Variants in C6orf136 observed in about 807,000 individuals in gnomAD.
C6orf136 encodes the protein chromosome 6 open reading frame 136.
In C6orf136, 29 loss-of-function variants were observed where a neutral mutation model predicts 44.0. That is an observed-to-expected ratio of 0.66 (90% CI 0.49 to 0.90). The LOEUF (loss-of-function observed/expected upper bound fraction) is 0.90. Ranked by LOEUF, C6orf136 falls within the 40% of genes least tolerant of loss-of-function variation. The pLI is 0.00. For synonymous variants in C6orf136, 293 were observed against 278.6 expected, an observed-to-expected ratio of 1.05 and a Z score of -0.52; for missense variants, 628 against 669.3, an observed-to-expected ratio of 0.94 and a Z score of 0.68.
intron 4 of C6orf136, 26 bp downstream of exon 4, chr6:30,651,492 A>C: frequency 6.3e-7 from 1 of 1,590,560 alleles, no homozygotes; most frequent in Non-Finnish European, 8.5e-7. Flanking sequence ...GAAAGGACCC[A>C]AACTATAATC....
Position 30,652,724 on chromosome 6 carries a change from C to A in C6orf136, c.1377+7C>A, listed in dbSNP as rs376239384. 1 of 1,612,892 alleles carries A rather than the reference C, an allele frequency of 6.2e-7. No individual in the cohort carries two copies. Among genetic ancestry groups the A allele is most frequent in the Non-Finnish European group, 8.5e-7 (1 of 1,180,018 alleles). On this transcript the variant is annotated splice_region_variant and intron_variant, in intron 5 of 5. Coordinates refer to ENST00000651131, the MANE Select transcript of C6orf136 (RefSeq NM_001161376.2). The stretch of plus-strand genomic sequence containing the variant: ...TCGCCATCGTCTAGATAAAGTGAGT[C>A]CTAGGTAGGGCTGGGTGGGGTAAAG...
chr6:30,647,586 C>G lies in C6orf136; in HGVS notation c.355C>G (p.Pro119Ala). Residue 119 changes from proline to alanine, a missense_variant, in exon 1 of 6, where the codon CCG (proline) becomes GCG (alanine). Around this residue, in one of 2 missense-constraint regions of C6orf136, gnomAD observed 497 missense variants for 469.2 expected, o/e 1.06. Coordinates refer to ENST00000651131, the MANE Select transcript of C6orf136 (RefSeq NM_001161376.2). The surrounding 1 kb of genome is among the most constrained non-coding windows in gnomAD (Gnocchi z 4.8). ...GCGCGTCTGCGTTGCGCCCGACTCT[C>G]CGCGGTTACCTGTGCCTAGAGGTGA... ...AGRVCVAPDS[P>A]RLPVPRGDLK... 1 of 1,542,232 alleles carries G rather than the reference C, an allele frequency of 6.5e-7. No homozygotes were observed. Among genetic ancestry groups the G allele is most frequent in the Non-Finnish European group, 8.8e-7 (1 of 1,140,856 alleles).
Position 30,647,923 on chromosome 6 carries a change from G to A in C6orf136, c.615+77G>A. On this transcript the variant is annotated intron_variant, in intron 1 of 5. Coordinates refer to ENST00000651131, the MANE Select transcript of C6orf136 (RefSeq NM_001161376.2). The surrounding 1 kb of genome is among the most constrained non-coding windows in gnomAD (Gnocchi z 4.8). ...GTTCCTTGGGAGCGGAGGGACTCGGGTGAGGCCTAACTTTGGGTGACCTCC... is the reference window on the plus strand; with the variant it reads ...GTTCCTTGGGAGCGGAGGGACTCGGATGAGGCCTAACTTTGGGTGACCTCC... 1 of 1,422,146 alleles carries A rather than the reference G, an allele frequency of 7.0e-7. No individual in the cohort carries two copies. Among genetic ancestry groups the A allele is most frequent in the Non-Finnish European group, 9.2e-7 (1 of 1,092,558 alleles). The allele number at this position is 1,422,146 out of a possible 1,614,324, so 88.1% of individuals were successfully genotyped here. A position where few individuals can be genotyped will look rare whatever the true frequency, so the allele number is the denominator to read the frequency against.
chr6:30,647,323 G>A lies in C6orf136; in HGVS notation c.92G>A (p.Gly31Glu), dbSNP rs916120554. The change falls in exon 1 of 6, where the codon GGA (glycine) becomes GAA (glutamate). Residue 31 changes from glycine to glutamate, a missense_variant. Transcript: ENST00000651131. This position sits in a 1 kb window ranked among gnomAD's most constrained non-coding sequence, Gnocchi z 4.8. ...ARPQVSGGEE[G>E]GRRGGGERPS... ...CCCCAGGTGAGCGGAGGAGAAGAGG[G>A]AGGGAGGAGAGGGGGCGGGGAGAGA... 2.5e-6 allele frequency: 4 copies of A among 1,584,212 alleles called. No individual in the cohort carries two copies. The highest frequency in any genetic ancestry group is 1.8e-5 in the Admixed American group (1 of 55,110).
rs1162674381 is a variant in C6orf136, at chr6:30,652,865, C to T, written c.1441C>T (p.Leu481=). The T allele has an allele frequency of 4.3e-6, 7 of 1,612,978 alleles. No homozygotes were observed. The highest frequency in any genetic ancestry group is 2.2e-5 in the East Asian group (1 of 44,900). ...KKLLVGALVA[L]GLSEPEPDLN... ...GCTGCTAGTGGGAGCCCTGGTGGCCCTGGGGCTGTCAGAGCCAGAACCTGA... is the reference window on the plus strand; with the variant it reads ...GCTGCTAGTGGGAGCCCTGGTGGCCTTGGGGCTGTCAGAGCCAGAACCTGA... The change falls in exon 6 of 6, where the codon CTG becomes TTG. Residue 481 remains leucine, a synonymous_variant. Coordinates refer to ENST00000651131, the MANE Select transcript of C6orf136 (RefSeq NM_001161376.2).
In C6orf136 at chr6:30,647,514, C is replaced by A; in HGVS notation, c.283C>A (p.Leu95Ile). 1 of 1,508,650 alleles carries A rather than the reference C, an allele frequency of 6.6e-7. No homozygotes were observed. The highest frequency in any genetic ancestry group is 8.9e-7 in the Non-Finnish European group (1 of 1,122,518). The allele number at this position is 1,508,650 out of a possible 1,614,324, so 93.5% of individuals were successfully genotyped here. The change falls in exon 1 of 6, where the codon CTC becomes ATC. Residue 95 changes from leucine (L) to isoleucine (I), a missense_variant. Leu to Ile is a conservative substitution (Grantham distance 5, BLOSUM62 2). Coordinates refer to ENST00000651131, the MANE Select transcript of C6orf136 (RefSeq NM_001161376.2). The surrounding 1 kb of genome is among the most constrained non-coding windows in gnomAD (Gnocchi z 4.8). ...GGCCTGTCGCGCAAGGACGTCGGTC[C>A]TCCCAGGTTTGAGGGCGGTCAGGCG... ...CRACRARTSVLPGLRAVRRGQ... is the reference protein window; with the variant it reads ...CRACRARTSVIPGLRAVRRGQ...
intron 2 of C6orf136, 113 bp from the exon 3 acceptor site, chr6:30,650,881 C>T: frequency 1.3e-6 from 1 of 745,680 alleles, no homozygotes; most frequent in Non-Finnish European, 2.2e-6. Context: ...CTCTGTACTC[C>T]AGCCTGGGCG....
Position 30,647,421 on chromosome 6 carries a change from CT to C in C6orf136, c.192del (p.Thr66ProfsTer10), listed in dbSNP as rs1561946699. ...SAQAQRHPPP[L>X]PTCALQRVDR... ...GCAGGCGCAGAGACACCCGCCGCCC[CT>C]TCCCACCTGTGCCCTGCAGCGCGTG... On this transcript the variant is annotated frameshift_variant, in exon 1 of 6. Transcript: ENST00000651131. LOFTEE classifies it high-confidence loss of function. The surrounding 1 kb of genome is among the most constrained non-coding windows in gnomAD (Gnocchi z 4.8). 2.0e-6 allele frequency: 3 copies of C among 1,469,256 alleles called. No individual in the cohort carries two copies. Among genetic ancestry groups the C allele is most frequent in the Non-Finnish European group, 2.7e-6 (3 of 1,108,048 alleles). 91.0% of individuals were successfully genotyped at this position (1,469,256 alleles called of 1,614,324 possible).
In C6orf136 at chr6:30,647,604, A is replaced by G. The variant is rs1338530385; in HGVS notation, c.373A>G (p.Arg125Gly). ...APDSPRLPVP[R>G]GDLKGRGREI... The stretch of plus-strand genomic sequence containing the variant: ...CGACTCTCCGCGGTTACCTGTGCCT[A>G]GAGGTGATTTGAAGGGCAGGGGCCG... Residue 125 changes from arginine to glycine, a missense_variant, in exon 1 of 6, where the codon AGA becomes GGA. By Grantham distance (125) the Arg-to-Gly change is moderately radical. Around this residue, in one of 2 missense-constraint regions of C6orf136, gnomAD observed 497 missense variants for 469.2 expected, o/e 1.06. Coordinates refer to ENST00000651131, the MANE Select transcript of C6orf136 (RefSeq NM_001161376.2). The surrounding 1 kb of genome is among the most constrained non-coding windows in gnomAD (Gnocchi z 4.8). The G allele has an allele frequency of 3.9e-6, 6 of 1,548,982 alleles. No homozygotes were observed. Among genetic ancestry groups the G allele is most frequent in the African/African-American group, 1.4e-5 (1 of 72,894 alleles).
Position 30,647,476 on chromosome 6 carries a change from G to C in C6orf136, c.245G>C (p.Gly82Ala). 1 of 1,486,552 alleles carries C rather than the reference G, an allele frequency of 6.7e-7. No individual in the cohort carries two copies. The highest frequency in any genetic ancestry group is 1.3e-5 in the South Asian group (1 of 74,622). The allele number at this position is 1,486,552 out of a possible 1,614,324, so 92.1% of individuals were successfully genotyped here. Residue 82 changes from glycine (G) to alanine (A), a missense_variant, in exon 1 of 6, where the codon GGG becomes GCG. Gly to Ala is a moderately conservative substitution (Grantham distance 60). Coordinates refer to ENST00000651131, the MANE Select transcript of C6orf136 (RefSeq NM_001161376.2). The surrounding 1 kb of genome is among the most constrained non-coding windows in gnomAD (Gnocchi z 4.8). The part of the protein sequence containing the change: ...VDRLGVAGAG[G>A]RRCRACRART... Reference sequence around the variant, plus strand: ...AGGCTAGGGGTCGCGGGAGCGGGAGGGAGGCGCTGCCGGGCCTGTCGCGCA... The same window carrying C: ...AGGCTAGGGGTCGCGGGAGCGGGAGCGAGGCGCTGCCGGGCCTGTCGCGCA...
intron 4 of C6orf136, among the ~76,000 whole-genome samples, chr6:30,651,844 C>T (rs553553453): frequency 6.6e-6 from 1 of 151,884 alleles, no homozygotes; most frequent in East Asian, 1.9e-4. Flanking sequence ...GGACAGGGAT[C>T]CTGTTTAGTT....
At chr6:30,650,131 G>C (rs536682144) in intron 2 of C6orf136, among the ~76,000 whole-genome samples, 172 bp downstream of exon 2, 313 of 152,106 alleles carry the variant, frequency 2.1e-3, no homozygotes, top group African/African-American at 7.0e-3. Flanking sequence ...GTGGCTCAAA[G>C]TGCTGTAATC....
intron 1 of C6orf136, among the ~76,000 whole-genome samples, chr6:30,648,837 T>G (rs1436869776): frequency 6.7e-6 from 1 of 150,304 alleles, no homozygotes; most frequent in Non-Finnish European, 1.5e-5. Flanking sequence ...TGAAACCCCA[T>G]CTGTAACTAA....
intron 1 of C6orf136, among the ~76,000 whole-genome samples, chr6:30,648,575 A>G (rs1767096337): frequency 6.6e-6 from 1 of 151,424 alleles, no homozygotes; most frequent in Non-Finnish European, 1.5e-5. Context: ...ATTGTTTTGT[A>G]TCTTTAGTAG....
Position 30,648,652 on chromosome 6 carries a change from G to A in C6orf136, c.615+806G>A, listed in dbSNP as rs553208118. Among the ~76,000 whole-genome samples, 36 of 148,834 alleles carry A rather than the reference G, an allele frequency of 2.4e-4. No homozygotes were observed. The East Asian group carries it at 6.8e-3, about 28-fold the overall frequency. ...CTAGACCTCGTGATCCGCCCGCCTC[G>A]GCTTCCCAAAGTGCTGGGATTACAG... On this transcript the variant is annotated intron_variant, in intron 1 of 5. Transcript: ENST00000651131.
chr6:30,648,523 C>T (rs148366944), intron 1 of C6orf136, among the ~76,000 whole-genome samples: 3,262 of 151,316 alleles, frequency 0.022, 146 homozygotes, highest in Non-Finnish European at 0.021. Context: ...CTCAGCCTCC[C>T]GAGTAGCTGG....
chr6:30,652,839 A>T lies in C6orf136; in HGVS notation c.1415A>T (p.Lys472Met). 3 of 1,613,090 alleles carry T rather than the reference A, an allele frequency of 1.9e-6. No individual in the cohort carries two copies. The highest frequency in any genetic ancestry group is 2.2e-5 in the South Asian group (2 of 91,088). ...PSHSPPTPVKKLLVGALVALG... is the reference protein window; with the variant it reads ...PSHSPPTPVKMLLVGALVALG... Reference sequence around the variant, plus strand: ...CACTCACCTCCAACGCCTGTGAAGAAGCTGCTAGTGGGAGCCCTGGTGGCC... The same window carrying T: ...CACTCACCTCCAACGCCTGTGAAGATGCTGCTAGTGGGAGCCCTGGTGGCC... The change falls in exon 6 of 6, where the codon AAG becomes ATG. Residue 472 changes from lysine to methionine, a missense_variant. Transcript: ENST00000651131.
At position 30,650,399 on chromosome 6, in the gene C6orf136, AAG is replaced by A. The variant is rs199951519; in HGVS notation, c.1017+442_1017+443del. Among the ~76,000 whole-genome samples, 1,906 of 151,554 alleles carry A rather than the reference AAG, an allele frequency of 0.013. 92 individuals are homozygous for A. The East Asian group carries it at 0.13, about 10-fold the overall frequency. ...GAGACTCCGTCTCAAAAAAAAAAAA[AAG>A]AAAGAAAATGATGTTCCTCATTTTG... On this transcript the variant is annotated intron_variant, in intron 2 of 5. Transcript: ENST00000651131.
In C6orf136 at chr6:30,652,874, T is replaced by C; in HGVS notation, c.1450T>C (p.Ser484Pro). ...GGGAGCCCTGGTGGCCCTGGGGCTG[T>C]CAGAGCCAGAACCTGACTTAAACCT... ...LVGALVALGLSEPEPDLNLCS... is the reference protein window; with the variant it reads ...LVGALVALGLPEPEPDLNLCS... Residue 484 changes from serine (S) to proline (P), a missense_variant, in exon 6 of 6, where the codon TCA becomes CCA. Ser to Pro is a moderately conservative substitution (Grantham distance 74). Around this residue, in one of 2 missense-constraint regions of C6orf136, gnomAD observed 131 missense variants for 200.1 expected, o/e 0.65. Coordinates refer to ENST00000651131, the MANE Select transcript of C6orf136 (RefSeq NM_001161376.2). 6.2e-7 allele frequency: 1 copy of C among 1,613,048 alleles called. No individual in the cohort carries two copies. Among genetic ancestry groups the C allele is most frequent in the South Asian group, 1.1e-5 (1 of 91,084 alleles).
Sources: allele counts gnomAD v4.1 joint callset (sites outside exome capture counted in the v4.1 genomes callset), GRCh38; gene constraint gnomAD v4.1.1; regional missense constraint gnomAD v4.1.1; non-coding constraint Gnocchi (gnomAD v3.1); transcripts MANE v1.5; gene names NCBI Gene and HGNC (gene_info 2026-07-23, HGNC 2026-07-21).